CYFIP1: variants seen among roughly 807,000 people sequenced by gnomAD.
The protein encoded by CYFIP1 is cytoplasmic FMR1 interacting protein 1.
A neutral mutation model predicts 163.5 loss-of-function variants in CYFIP1; 58 were observed. The ratio of observed to expected loss-of-function variants is 0.35; its 90% CI spans 0.29 to 0.44. CYFIP1 has a LOEUF of 0.44. CYFIP1 is among the 20% of genes least tolerant of loss of function. The pLI, the probability that CYFIP1 is intolerant of heterozygous loss-of-function variation, is 1.00. For synonymous variants in CYFIP1, 663 were observed against 660.7 expected (o/e 1.00, Z -0.05); for missense variants, 1,338 against 1,653.8 (o/e 0.81, Z 3.31).
chr15:22,961,265 G>A (rs1009822920), intron 1 of CYFIP1, among the ~76,000 whole-genome samples: 2 of 151,994 alleles, frequency 1.3e-5, no homozygotes, highest in African/African-American at 4.8e-5. Context: ...CAAGTGATCC[G>A]CCGGCTTTGG....
intron 1 of CYFIP1, among the ~76,000 whole-genome samples, chr15:22,968,609 T>G (rs1041598552): frequency 6.6e-6 from 1 of 152,102 alleles, no homozygotes; most frequent in Non-Finnish European, 1.5e-5. Context: ...GACTAATACA[T>G]CACCTCTACC....
chr15:22,916,888 A>C, intron 15 of CYFIP1: 8 of 1,551,814 alleles, frequency 5.2e-6, no homozygotes, highest in Non-Finnish European at 7.0e-6. Flanking sequence ...TTACCACCAA[A>C]GGTTAAAAGG....
rs1189546490 is a variant in CYFIP1 at position 22,869,927 on chromosome 15, A to G, written c.*101T>C. ...TTTAGATCGAAAAGCACCCCCTTTA[A>G]CAGGTACAGAGATACTGAAAAATAG... On this transcript the variant is annotated 3_prime_UTR_variant, in exon 31 of 31. Coordinates refer to ENST00000617928, the MANE Select transcript of CYFIP1 (RefSeq NM_014608.6). The G allele has an allele frequency of 2.8e-6, 3 of 1,089,108 alleles. No individual in the cohort carries two copies. The African/African-American group carries it at 5.0e-5, about 18-fold the overall frequency. The allele number at this position is 1,089,108 out of a possible 1,614,324, so 67.5% of individuals were successfully genotyped here. A position where few individuals can be genotyped will look rare whatever the true frequency, so the allele number is the denominator to read the frequency against.
At chr15:22,897,965 T>C (rs750202569) in intron 22 of CYFIP1, among the ~76,000 whole-genome samples, 1 of 152,186 alleles carries the variant, frequency 6.6e-6, no homozygotes, top group African/African-American at 2.4e-5. Context: ...CTCTCTCATA[T>C]GCCACCCTGC....
At position 22,869,376 on chromosome 15, in the gene CYFIP1, C is replaced by T. The variant is rs1231234322; in HGVS notation, c.*652G>A. On this transcript the variant is annotated 3_prime_UTR_variant, in exon 31 of 31. Coordinates refer to ENST00000617928, the MANE Select transcript of CYFIP1 (RefSeq NM_014608.6). The stretch of plus-strand genomic sequence containing the variant: ...CCCACCTCAGCCTTAGAGGTGACCT[C>T]CATCCCAGCTGGCCTGGTATGTGAG... 1.3e-5 allele frequency: 2 copies of T among 152,178 alleles called. No individual in the cohort carries two copies. Among genetic ancestry groups the T allele is most frequent in the Non-Finnish European group, 2.9e-5 (2 of 68,064 alleles). The allele number at this position is 152,178 out of a possible 1,614,324, so 9.4% of individuals were successfully genotyped here.
rs3785 is a variant in CYFIP1 at position 22,867,866 on chromosome 15, C to T, written c.*2162G>A. On this transcript the variant is annotated 3_prime_UTR_variant, in exon 31 of 31. Coordinates refer to ENST00000617928, the MANE Select transcript of CYFIP1 (RefSeq NM_014608.6). Reference sequence around the variant, plus strand: ...AGAAAATGTTTGTTTATGAAGAAGTCGATGGAAAACTGCAAACATATGCAG... The same window carrying T: ...AGAAAATGTTTGTTTATGAAGAAGTTGATGGAAAACTGCAAACATATGCAG... 0.39 allele frequency: 58,628 copies of T among 151,940 alleles called. 11,475 individuals are homozygous for T. The highest frequency in any genetic ancestry group is 0.46 in the Middle Eastern group (133 of 292). The allele number at this position is 151,940 out of a possible 1,614,324, so 9.4% of individuals were successfully genotyped here.
Position 22,969,324 on chromosome 15 carries a change from G to A in CYFIP1, c.-7+10963C>T, listed in dbSNP as rs150642686. On this transcript the variant is annotated intron_variant, in intron 1 of 30. Transcript: ENST00000617928. ...CCACAGCCCACGGCATGGGCTGTGCGTGAAGGAAATGCAGTCGTAATAAAG... is the reference window on the plus strand; with the variant it reads ...CCACAGCCCACGGCATGGGCTGTGCATGAAGGAAATGCAGTCGTAATAAAG... Among the ~76,000 whole-genome samples, 11 of 152,266 alleles carry A rather than the reference G, an allele frequency of 7.2e-5. No individual in the cohort carries two copies. The East Asian group carries it at 9.7e-4, about 13-fold the overall frequency.
intron 18 of CYFIP1, 28 bp from the exon 19 acceptor site, chr15:22,910,841 G>T: frequency 6.3e-7 from 1 of 1,582,248 alleles, no homozygotes; most frequent in Non-Finnish European, 8.7e-7. Flanking sequence ...ACACGTTACA[G>T]TTTGATTCCC....
At chr15:22,933,346 G>A (rs1437468921) in intron 10 of CYFIP1, among the ~76,000 whole-genome samples, 3 of 146,976 alleles carry the variant, frequency 2.0e-5, no homozygotes, top group Non-Finnish European at 4.5e-5. Flanking sequence ...ACGGAGTCTT[G>A]CTCTGTCGCC....
chr15:22,904,049 T>C, intron 21 of CYFIP1, 144 bp from the exon 22 acceptor site: 4 of 715,526 alleles, frequency 5.6e-6, no homozygotes, highest in Non-Finnish European at 9.3e-6. Context: ...CTCTGACAGG[T>C]GACATGAGCT....
intron 3 of CYFIP1, among the ~76,000 whole-genome samples, chr15:22,945,437 T>G (rs1402465899): frequency 6.6e-6 from 1 of 152,174 alleles, no homozygotes; most frequent in Non-Finnish European, 1.5e-5. Flanking sequence ...AAAATCTAGG[T>G]AGAGAGTCCA....
intron 1 of CYFIP1, among the ~76,000 whole-genome samples, chr15:22,978,309 G>A (rs953261206): frequency 8.2e-6 from 1 of 122,670 alleles, no homozygotes; most frequent in Non-Finnish European, 1.6e-5. Context: ...CCGAGTTTGC[G>A]TCACTGCACT....
In CYFIP1 at chr15:22,917,750, C is replaced by T. The variant is rs778409253; in HGVS notation, c.1674+38G>A. The T allele has an allele frequency of 3.8e-5, 57 of 1,516,206 alleles. No individual in the cohort carries two copies. In the Admixed American group the frequency reaches 1.1e-3, roughly 28 times the overall value. The allele number at this position is 1,516,206 out of a possible 1,614,324, so 93.9% of individuals were successfully genotyped here. A position where few individuals can be genotyped will look rare whatever the true frequency, so the allele number is the denominator to read the frequency against. Reference sequence around the variant, plus strand: ...GCTCACAGCTCAGGGTGGGTCCCCCCAGGGAGAGGGTGCAGGCGGGGCTCA... The same window carrying T: ...GCTCACAGCTCAGGGTGGGTCCCCCTAGGGAGAGGGTGCAGGCGGGGCTCA... On this transcript the variant is annotated intron_variant, in intron 15 of 30. Coordinates refer to ENST00000617928, the MANE Select transcript of CYFIP1 (RefSeq NM_014608.6). The surrounding 1 kb of genome is among the most constrained non-coding windows in gnomAD (Gnocchi z 4.2).
At position 22,917,226 on chromosome 15, in the gene CYFIP1, G is replaced by A. The variant is rs1200605763; in HGVS notation, c.1674+562C>T. 2.8e-6 allele frequency: 4 copies of A among 1,411,396 alleles called. No individual in the cohort carries two copies. In the Admixed American group the frequency reaches 9.4e-5, roughly 33 times the overall value. The allele number at this position is 1,411,396 out of a possible 1,614,324, so 87.4% of individuals were successfully genotyped here. ...TTGCTGGTGACTTTCCAGAAGAGTG[G>A]CAGAAGAGATTAAAAGCCTCCGGCA... On this transcript the variant is annotated intron_variant, in intron 15 of 30. Coordinates refer to ENST00000617928, the MANE Select transcript of CYFIP1 (RefSeq NM_014608.6). The surrounding 1 kb of genome is among the most constrained non-coding windows in gnomAD (Gnocchi z 4.2).
At chr15:22,937,923 C>T (rs1408546192) in intron 8 of CYFIP1, among the ~76,000 whole-genome samples, 4 of 152,138 alleles carry the variant, frequency 2.6e-5, no homozygotes, top group South Asian at 4.1e-4. Flanking sequence ...AAATTCTTAA[C>T]GTGGACTAGC....
chr15:22,883,003 G>C lies in CYFIP1; in HGVS notation c.2685C>G (p.Asn895Lys). ...PQYLHGSKAL[N>K]LAYSSIYGSY... ...TGCCGTAAATGCTGGAGTAGGCCAA[G>C]TTCAAAGCCTGGAAAACAGGGCACA... The change falls in exon 24 of 31, where the codon AAC becomes AAG. Residue 895 changes from asparagine to lysine, a missense_variant. Coordinates refer to ENST00000617928, the MANE Select transcript of CYFIP1 (RefSeq NM_014608.6). The C allele has an allele frequency of 6.2e-7, 1 of 1,613,724 alleles. No individual in the cohort carries two copies. Among genetic ancestry groups the C allele is most frequent in the Non-Finnish European group, 8.5e-7 (1 of 1,179,700 alleles).
At chr15:22,951,502 G>C in intron 1 of CYFIP1, 1 of 1,288,580 alleles carries the variant, frequency 7.8e-7, no homozygotes, top group Non-Finnish European at 1.0e-6. Context: ...GCTGCCTGAG[G>C]ACGTGCTTCG....
At chr15:22,934,733 C>T (rs568742775) in intron 9 of CYFIP1, among the ~76,000 whole-genome samples, 931 of 151,736 alleles carry the variant, frequency 6.1e-3, no homozygotes, top group Non-Finnish European at 9.7e-3. Flanking sequence ...CTCCTGACCT[C>T]GTGATCCACC....
chr15:22,889,982 G>C (rs2060028709), intron 23 of CYFIP1, among the ~76,000 whole-genome samples: 1 of 152,042 alleles, frequency 6.6e-6, no homozygotes, highest in Admixed American at 6.6e-5. Flanking sequence ...ACATCCTTTT[G>C]AGTATAACTA....
Sources: allele counts gnomAD v4.1 joint callset (sites outside exome capture counted in the v4.1 genomes callset), GRCh38; gene constraint gnomAD v4.1.1; non-coding constraint Gnocchi (gnomAD v3.1); transcripts MANE v1.5; gene names NCBI Gene and HGNC (gene_info 2026-07-23, HGNC 2026-07-21).